The following G3BP2 variants were observed in gnomAD, a reference collection of about 807,000 sequenced individuals.
G3BP2 encodes the protein G3BP stress granule assembly factor 2, also known as ras GTPase-activating protein-binding protein 2.
In G3BP2, 11 loss-of-function variants were observed where a neutral mutation model predicts 56.7. That is an observed-to-expected ratio of 0.19 (90% CI 0.12 to 0.32). The LOEUF (loss-of-function observed/expected upper bound fraction) is 0.32, where lower values mean the gene tolerates loss of function less well. G3BP2 is among the 10% of genes least tolerant of loss of function. G3BP2 has a pLI of 1.00. For missense variants in G3BP2, 340 were observed against 610.9 expected, an observed-to-expected ratio of 0.56 and a Z score of 4.67; for synonymous variants, 165 against 191.6, an observed-to-expected ratio of 0.86 and a Z score of 1.15.
At chr4:75,680,602 G>A (rs1560410554) in intron 3 of G3BP2, among the ~76,000 whole-genome samples, 1 of 152,198 alleles carries the variant, frequency 6.6e-6, no homozygotes, top group Non-Finnish European at 1.5e-5. Context: ...CAGCTAGCCA[G>A]GTTTCCCATC....
rs564667753 is a variant in G3BP2, at chr4:75,705,693, G to C, written c.-25+15184C>G. 2.8e-3 allele frequency among the ~76,000 whole-genome samples: 425 copies of C among 152,244 alleles called. 4 individuals are homozygous for C. Among genetic ancestry groups the C allele is most frequent in the African/African-American group, 9.7e-3 (403 of 41,538 alleles). On this transcript the variant is annotated intron_variant, in intron 3 of 3. Coordinates refer to the G3BP2 transcript ENST00000499709. ...GAAAGGCCGTCCCTCCAGAAGTTCT[G>C]CCACAGCCACATTCAGGATCTCCTA...
chr4:75,677,845 C>G (rs1050897374), upstream of G3BP2, among the ~76,000 whole-genome samples: 5 of 152,180 alleles, frequency 3.3e-5, no homozygotes, highest in African/African-American at 1.2e-4. Flanking sequence ...CATGTTGAAA[C>G]TTAATCTCCA....
chr4:75,679,571 A>G (rs1386912606), intron 3 of G3BP2, among the ~76,000 whole-genome samples: 2 of 152,198 alleles, frequency 1.3e-5, no homozygotes, highest in African/African-American at 4.8e-5. Flanking sequence ...TATAGGTGGT[A>G]GATTTTAGGT....
chr4:75,665,295 A>C (rs1466391616), intron 1 of G3BP2, among the ~76,000 whole-genome samples: 1 of 152,240 alleles, frequency 6.6e-6, no homozygotes, highest in African/African-American at 2.4e-5. Context: ...AATCTGTTTA[A>C]AATTTTTTAT....
intron 1 of G3BP2, among the ~76,000 whole-genome samples, chr4:75,665,139 T>TA (rs1435603447): frequency 1.3e-5 from 2 of 152,210 alleles, no homozygotes; most frequent in Admixed American, 6.5e-5. Context: ...AGCTTACAGA[T>TA]AGAGTGTAGC....
At chr4:75,717,627 C>T (rs973937201) in intron 3 of G3BP2, among the ~76,000 whole-genome samples, 3 of 152,190 alleles carry the variant, frequency 2.0e-5, no homozygotes, top group Admixed American at 2.0e-4. Flanking sequence ...TACATGGAAT[C>T]TTGGCATCAC....
At chr4:75,673,504 C>T (rs1733690796), upstream of G3BP2, 6 of 1,232,298 alleles carry the variant, frequency 4.9e-6, no homozygotes, top group African/African-American at 1.5e-5. Context: ...AATCACGCAT[C>T]TCCTCCAGAG....
intron 1 of G3BP2, among the ~76,000 whole-genome samples, chr4:75,664,004 C>T (rs1732784387): frequency 6.6e-6 from 1 of 150,768 alleles, no homozygotes; most frequent in Admixed American, 6.6e-5. Context: ...TTGCCTCAGC[C>T]TCCCGAGTAG....
At position 75,645,280 on chromosome 4, in the gene G3BP2, C is replaced by G. The variant is rs1381626287; in HGVS notation, c.*150G>C. ...TGTGAAATTGGGGAAATAATGTCCA[C>G]CTCAATTTAACTGATAACCAAAGAT... On this transcript the variant is annotated 3_prime_UTR_variant, in exon 12 of 12. Coordinates refer to ENST00000359707, the MANE Select transcript of G3BP2 (RefSeq NM_203505.3). 3 of 660,846 alleles carry G rather than the reference C, an allele frequency of 4.5e-6. No individual in the cohort carries two copies. The African/African-American group carries it at 5.5e-5, about 12-fold the overall frequency. The allele number at this position is 660,846 out of a possible 1,614,324, so 40.9% of individuals were successfully genotyped here.
rs1050143023 is a variant in G3BP2, at chr4:75,702,100, G to C, written c.-25+18777C>G. On this transcript the variant is annotated intron_variant, in intron 3 of 3. Transcript: ENST00000499709. ...ATATCTCCCATGTATTCTTCTAAAG[G>C]CCCTTTTAAATCATTTATTTTCCTA... Among the ~76,000 whole-genome samples the C allele has an allele frequency of 3.3e-5, 5 of 151,198 alleles. No homozygotes were observed. The East Asian group carries it at 5.9e-4, about 18-fold the overall frequency.
intron 3 of G3BP2, among the ~76,000 whole-genome samples, chr4:75,708,883 G>A (rs1175400741): frequency 2.0e-5 from 3 of 152,226 alleles, no homozygotes; most frequent in Non-Finnish European, 4.4e-5. Flanking sequence ...AGCCAAGGCA[G>A]GAGGACTGCT....
At chr4:75,695,070 T>C (rs1032094281) in intron 3 of G3BP2, 10 of 272,200 alleles carry the variant, frequency 3.7e-5, no homozygotes, top group South Asian at 1.4e-4. Context: ...TCAGCACTGA[T>C]GGGCTTGGGA....
At chr4:75,675,541 C>T (rs893431467), upstream of G3BP2, among the ~76,000 whole-genome samples, 5 of 152,116 alleles carry the variant, frequency 3.3e-5, no homozygotes, top group African/African-American at 1.2e-4. Flanking sequence ...GACTGTAATC[C>T]CAGCACTTTG....
At chr4:75,648,890 A>C in intron 8 of G3BP2, 149 bp from the exon 9 acceptor site, 2 of 535,624 alleles carry the variant, frequency 3.7e-6, no homozygotes, top group Non-Finnish European at 6.8e-6. Flanking sequence ...GAGAAAAATA[A>C]ATTTTTATCA....
intron 11 of G3BP2, among the ~76,000 whole-genome samples, chr4:75,646,103 C>T (rs1731192162): frequency 6.6e-6 from 1 of 152,142 alleles, no homozygotes; most frequent in Admixed American, 6.5e-5. Context: ...GCCACTATAC[C>T]CAGCCAAAAT....
At chr4:75,650,577 T>C (rs1372397711) in intron 8 of G3BP2, among the ~76,000 whole-genome samples, 2 of 152,214 alleles carry the variant, frequency 1.3e-5, no homozygotes, top group African/African-American at 2.4e-5. Context: ...TCTATGTCAA[T>C]GTCCTATTTC....
intron 3 of G3BP2, among the ~76,000 whole-genome samples, chr4:75,701,655 T>C (rs1414443168): frequency 6.6e-6 from 1 of 152,154 alleles, no homozygotes; most frequent in Admixed American, 6.6e-5. Context: ...TTCAAACTCC[T>C]GACCTCAGGT....
chr4:75,667,458 C>T (rs1038989390), intron 1 of G3BP2, among the ~76,000 whole-genome samples: 2 of 152,170 alleles, frequency 1.3e-5, no homozygotes, highest in Admixed American at 6.5e-5. Flanking sequence ...ATATATCACA[C>T]TCCACTTCTT....
At chr4:75,692,236 G>A (rs1718887571) in intron 3 of G3BP2, among the ~76,000 whole-genome samples, 2 of 152,110 alleles carry the variant, frequency 1.3e-5, no homozygotes, top group African/African-American at 4.8e-5. Context: ...TGGCTTCCTG[G>A]AACCTTGGAT....
Sources: allele counts gnomAD v4.1 joint callset (sites outside exome capture counted in the v4.1 genomes callset), GRCh38; gene constraint gnomAD v4.1.1; transcripts MANE v1.5; gene names NCBI Gene and HGNC (gene_info 2026-07-23, HGNC 2026-07-21).